Variants in EPG5 observed in about 807,000 individuals in gnomAD.
EPG5 encodes the protein ectopic P-granules 5 autophagy tethering factor, also known as ectopic P granules protein 5 homolog.
EPG5 carries 159 observed loss-of-function variants against 302.7 expected under a neutral mutation model. That is an observed-to-expected ratio of 0.53 (90% CI 0.46 to 0.60). The LOEUF (loss-of-function observed/expected upper bound fraction) is 0.60, where lower values mean the gene tolerates loss of function less well. Ranked by LOEUF, EPG5 falls within the 20% of genes least tolerant of loss-of-function variation. The probability of loss-of-function intolerance (pLI) is 0.00; values close to 1 mark genes in which losing one functional copy is unlikely to be tolerated. For missense variants in EPG5, 2,896 were observed against 3,092.4 expected (o/e 0.94, Z 1.51); for synonymous variants, 1,158 against 1,136.8 (o/e 1.02, Z -0.37).
the EPG5 span, among the ~76,000 whole-genome samples, chr18:45,813,323 G>A: frequency 6.6e-6 from 1 of 152,214 alleles, no homozygotes; most frequent in South Asian, 2.1e-4. Context: ...TGGTGGGACT[G>A]TAAACTAGTT....
chr18:45,807,206 C>G, the EPG5 span, among the ~76,000 whole-genome samples: 722 of 152,260 alleles, frequency 4.7e-3, 6 homozygotes, highest in African/African-American at 0.016. Flanking sequence ...CTCCATCCCC[C>G]ACAGCAGATG....
the EPG5 span, among the ~76,000 whole-genome samples, chr18:45,803,917 A>G: frequency 6.6e-6 from 1 of 152,244 alleles, no homozygotes; most frequent in Non-Finnish European, 1.5e-5. Flanking sequence ...ACATATTGAG[A>G]GACAGGAAGA....
intron 14 of EPG5, among the ~76,000 whole-genome samples, chr18:45,923,793 C>T (rs2050208615): frequency 1.3e-5 from 2 of 152,156 alleles, no homozygotes; most frequent in Non-Finnish European, 2.9e-5. Flanking sequence ...CTTTGGGAAG[C>T]CAAGACAGAC....
intron 10 of EPG5, among the ~76,000 whole-genome samples, chr18:45,939,037 G>A (rs1350643588): frequency 6.6e-6 from 1 of 152,198 alleles, no homozygotes; most frequent in African/African-American, 2.4e-5. Context: ...CAGTGGCTCA[G>A]GGAAGGGAGC....
chr18:45,865,639 C>T lies in EPG5; in HGVS notation c.6742G>A (p.Asp2248Asn), dbSNP rs762032630. ...CCGGGCGGGTTAAAGACAATGATATCGTCTAAGAGCTTAGACATTTCCTGT... is the reference window on the plus strand; with the variant it reads ...CCGGGCGGGTTAAAGACAATGATATTGTCTAAGAGCTTAGACATTTCCTGT... ...LEQEMSKLLD[D>N]IIVFNPPDMD... The change falls in exon 39 of 44, where the codon GAT becomes AAT. Residue 2248 changes from aspartate (D) to asparagine (N), a missense_variant. Coordinates refer to ENST00000282041, the MANE Select transcript of EPG5 (RefSeq NM_020964.3). 22 of 1,613,854 alleles carry T rather than the reference C, an allele frequency of 1.4e-5. No homozygotes were observed. Among genetic ancestry groups the T allele is most frequent in the East Asian group, 2.2e-5 (1 of 44,890 alleles).
chr18:45,887,872 G>A lies in EPG5; in HGVS notation c.4988C>T (p.Pro1663Leu), dbSNP rs375606930. 5.4e-5 allele frequency: 86 copies of A among 1,593,048 alleles called. No homozygotes were observed. The highest frequency in any genetic ancestry group is 7.3e-5 in the Non-Finnish European group (85 of 1,164,488). Reference sequence around the variant, plus strand: ...GCTAATGCCAACTTTCTGAATCCCAGGTGTAGGCTGCAACTTGTAGGCATT... The same window carrying A: ...GCTAATGCCAACTTTCTGAATCCCAAGTGTAGGCTGCAACTTGTAGGCATT... ...LVNAYKLQPT[P>L]GIQKVGISLF... Residue 1663 changes from proline (P) to leucine (L), a missense_variant, in exon 29 of 44, where the codon CCT (proline) becomes CTT (leucine). Pro to Leu is a moderately conservative substitution (Grantham distance 98). Around this residue, in one of 5 missense-constraint regions of EPG5, gnomAD observed 790 missense variants for 798.0 expected, o/e 0.99. Coordinates refer to ENST00000282041, the MANE Select transcript of EPG5 (RefSeq NM_020964.3).
chr18:45,870,752 G>C lies in EPG5; in HGVS notation c.6050-10C>G, dbSNP rs777396710. ...CCTGGCAACAGCTTATCTAGAATGT[G>C]AAAAGAAAATAGAGCTGAAGACCTT... On this transcript the variant is annotated splice_polypyrimidine_tract_variant and intron_variant, in intron 35 of 43. Coordinates refer to ENST00000282041, the MANE Select transcript of EPG5 (RefSeq NM_020964.3). 6.8e-7 allele frequency: 1 copy of C among 1,468,792 alleles called. No homozygotes were observed. Among genetic ancestry groups the C allele is most frequent in the East Asian group, 2.4e-5 (1 of 41,634 alleles). 91.0% of individuals were successfully genotyped at this position (1,468,792 alleles called of 1,614,324 possible). A position where few individuals can be genotyped will look rare whatever the true frequency, so the allele number is the denominator to read the frequency against.
intron 27 of EPG5, among the ~76,000 whole-genome samples, chr18:45,893,822 G>C (rs956195783): frequency 6.6e-6 from 1 of 152,162 alleles, no homozygotes; most frequent in African/African-American, 2.4e-5. Context: ...GCACAATCAA[G>C]GAATGAACTG....
chr18:45,952,248 T>C (rs1341511475), intron 3 of EPG5, 152 bp downstream of exon 3: 2 of 865,420 alleles, frequency 2.3e-6, no homozygotes, highest in Non-Finnish European at 3.5e-6. Context: ...TTAAGGCAGA[T>C]CTCAATCCTA....
At chr18:45,868,837 C>T (rs2048808841) in intron 36 of EPG5, among the ~76,000 whole-genome samples, 1 of 151,532 alleles carries the variant, frequency 6.6e-6, no homozygotes. Flanking sequence ...AGGTGGATCA[C>T]AAGATCAGGA....
chr18:45,844,860 T>C (rs952046276), downstream of EPG5, among the ~76,000 whole-genome samples: 1 of 152,274 alleles, frequency 6.6e-6, no homozygotes, highest in African/African-American at 2.4e-5. Flanking sequence ...GTGGTGTGTA[T>C]TGGAACATCT....
chr18:45,880,197 C>G lies in EPG5; in HGVS notation c.5545G>C (p.Glu1849Gln). The G allele has an allele frequency of 6.2e-7, 1 of 1,606,962 alleles. No homozygotes were observed. Among genetic ancestry groups the G allele is most frequent in the South Asian group, 1.1e-5 (1 of 90,708 alleles). ...QSSAEQLLSP[E>Q]CWKATLRALG... ...GCTCTCAGAGTGGCCTTCCAACACT[C>G]GGGGCTCAGAAGCTGCTCCGCGGAG... is the stretch of plus-strand genomic sequence containing the variant. The change falls in exon 32 of 44, where the codon GAG becomes CAG. Residue 1849 changes from glutamate to glutamine, a missense_variant. Coordinates refer to ENST00000282041, the MANE Select transcript of EPG5 (RefSeq NM_020964.3).
chr18:45,806,800 G>A, the EPG5 span, among the ~76,000 whole-genome samples: 6 of 152,172 alleles, frequency 3.9e-5, no homozygotes. Flanking sequence ...CTGGGAAAAG[G>A]CCACAGAGAG....
chr18:45,905,774 T>C (rs1368823739), intron 24 of EPG5, among the ~76,000 whole-genome samples: 1 of 152,212 alleles, frequency 6.6e-6, no homozygotes, highest in Non-Finnish European at 1.5e-5. Flanking sequence ...CTGTTGATGC[T>C]GAGGAACCAG....
chr18:45,869,986 G>A (rs1251725660), intron 36 of EPG5, among the ~76,000 whole-genome samples: 1 of 151,248 alleles, frequency 6.6e-6, no homozygotes, highest in African/African-American at 2.4e-5. Flanking sequence ...TAGTATGTAA[G>A]TTACACTACA....
intron 26 of EPG5, among the ~76,000 whole-genome samples, chr18:45,899,896 G>A (rs2049567974): frequency 1.3e-5 from 2 of 152,076 alleles, no homozygotes; most frequent in Non-Finnish European, 2.9e-5. Context: ...ACCCTCAAGG[G>A]GTGCCTTAAT....
intron 4 of EPG5, 67 bp downstream of exon 4, chr18:45,951,035 A>G: frequency 1.6e-6 from 2 of 1,277,734 alleles, no homozygotes; most frequent in South Asian, 4.4e-5. Context: ...GTAATGATAT[A>G]ACAGATAATT....
Position 45,857,579 on chromosome 18 carries a change from T to A in EPG5, c.7442+274A>T, listed in dbSNP as rs1348661646. 5 of 363,568 alleles carry A rather than the reference T, an allele frequency of 1.4e-5. No homozygotes were observed. The East Asian group carries it at 2.7e-4, about 20-fold the overall frequency. 22.5% of individuals were successfully genotyped at this position (363,568 alleles called of 1,614,324 possible). On this transcript the variant is annotated intron_variant, in intron 42 of 43. Transcript: ENST00000282041. ...AACCAAAAAGAAATCAGTAGTGCAGTTAGGTTACAAAGTCCAAACACAACA... is the reference window on the plus strand; with the variant it reads ...AACCAAAAAGAAATCAGTAGTGCAGATAGGTTACAAAGTCCAAACACAACA...
At chr18:45,956,494 T>C (rs1267333150) in intron 1 of EPG5, among the ~76,000 whole-genome samples, 1 of 152,056 alleles carries the variant, frequency 6.6e-6, no homozygotes, top group Non-Finnish European at 1.5e-5. Flanking sequence ...TCTTGCTCTG[T>C]TGCGCAGGCT....
Sources: gnomAD v4.1 joint callset for allele counts (sites outside exome capture counted in the v4.1 genomes callset) on GRCh38, gnomAD v4.1.1 for gene constraint, gnomAD v4.1.1 regional missense constraint, MANE v1.5 for transcripts, NCBI Gene and HGNC (gene_info 2026-07-23, HGNC 2026-07-21) for gene names.